Variants in ANKFN1 observed in about 807,000 individuals in gnomAD.
The protein encoded by ANKFN1 is ankyrin repeat and fibronectin type-III domain-containing protein 1.
ANKFN1 carries 74 observed loss-of-function variants against 108.7 expected under a neutral mutation model. The observed-to-expected ratio is 0.68, with a 90% CI of 0.56 to 0.83. ANKFN1 has a LOEUF of 0.83. ANKFN1 is among the 40% of genes least tolerant of loss of function. ANKFN1 has a pLI of 0.00. For synonymous variants in ANKFN1, 547 were observed against 516.2 expected (o/e 1.06, Z -0.81); for missense variants, 1,505 against 1,382.3 (o/e 1.09, Z -1.41).
At chr17:56,218,873 C>T (rs1030920646) in intron 2 of ANKFN1, among the ~76,000 whole-genome samples, 7 of 152,216 alleles carry the variant, frequency 4.6e-5, no homozygotes, top group African/African-American at 1.7e-4. Context: ...GAACATTTAA[C>T]TTATTTTTTC....
chr17:56,325,260 C>T (rs1038495478), intron 3 of ANKFN1, among the ~76,000 whole-genome samples: 26 of 98,756 alleles, frequency 2.6e-4, no homozygotes, highest in Non-Finnish European at 1.5e-4. Flanking sequence ...TTGCTAGTGT[C>T]GCTGTGTGTG....
At chr17:56,351,679 T>TC (rs1029969819) in intron 5 of ANKFN1, among the ~76,000 whole-genome samples, 3 of 152,176 alleles carry the variant, frequency 2.0e-5, no homozygotes, top group African/African-American at 7.2e-5. Context: ...TGTTGCTCAG[T>TC]CCTCTGGACC....
At chr17:56,120,291 G>A (rs1485953607) in intron 4 of ANKFN1, among the ~76,000 whole-genome samples, 1 of 152,024 alleles carries the variant, frequency 6.6e-6, no homozygotes, top group African/African-American at 2.4e-5. Context: ...ACTCCATTCT[G>A]CCCTTCTACA....
chr17:56,325,534 A>G (rs550307935), intron 3 of ANKFN1, among the ~76,000 whole-genome samples: 20 of 152,338 alleles, frequency 1.3e-4, no homozygotes, highest in African/African-American at 4.8e-4. Flanking sequence ...CTTCTTCCTG[A>G]GACTGAGCCT....
In ANKFN1 at chr17:56,510,681, G is replaced by C. The variant is rs754470946; in HGVS notation, c.2853G>C (p.Pro951=). ...QVHDVKTPLG[P]GQDPQGEGPN... Reference sequence around the variant, plus strand: ...ACGACGTGAAAACCCCTCTGGGGCCGGGCCAGGATCCCCAGGGCGAGGGCC... The same window carrying C: ...ACGACGTGAAAACCCCTCTGGGGCCCGGCCAGGATCCCCAGGGCGAGGGCC... Residue 951 remains proline (P), a synonymous_variant, in exon 21 of 21, where the codon CCG becomes CCC. Coordinates refer to ENST00000682825, the MANE Select transcript of ANKFN1 (RefSeq NM_001370326.1). 1.2e-5 allele frequency: 19 copies of C among 1,536,004 alleles called. No homozygotes were observed. The highest frequency in any genetic ancestry group is 1.7e-5 in the Non-Finnish European group (19 of 1,146,908).
At chr17:56,242,481 T>C (rs1262203654) in intron 3 of ANKFN1, among the ~76,000 whole-genome samples, 2 of 152,130 alleles carry the variant, frequency 1.3e-5, no homozygotes, top group African/African-American at 4.8e-5. Context: ...CTTTTAAAAA[T>C]AGTTATTTTG....
rs542801224 is a variant in ANKFN1 at position 56,385,371 on chromosome 17, A to C, written c.910+10657A>C. 9.5e-4 allele frequency among the ~76,000 whole-genome samples: 145 copies of C among 152,366 alleles called. 1 individual carries two copies. Among genetic ancestry groups the C allele is most frequent in the Middle Eastern group, 3.4e-3 (1 of 294 alleles). On this transcript the variant is annotated intron_variant, in intron 8 of 20. Transcript: ENST00000682825. ...AGACCTAAAACCATAAAAACCCTAG[A>C]AGAAAGCCTAGGCATTACCATTCAG...
chr17:56,510,454 T>TC lies in ANKFN1; in HGVS notation c.2645-18dup. On this transcript the variant is annotated intron_variant, in intron 20 of 20. Coordinates refer to ENST00000682825, the MANE Select transcript of ANKFN1 (RefSeq NM_001370326.1). The stretch of plus-strand genomic sequence containing the variant: ...AGCTAAGACTATATTTTTCCTAACC[T>TC]CAGTTTCTGGCTTCGCAGATTCACA... The TC allele has an allele frequency of 6.5e-7, 1 of 1,531,998 alleles. No individual in the cohort carries two copies. Among genetic ancestry groups the TC allele is most frequent in the Non-Finnish European group, 8.7e-7 (1 of 1,145,232 alleles). The allele number at this position is 1,531,998 out of a possible 1,614,324, so 94.9% of individuals were successfully genotyped here.
chr17:56,325,952 C>T (rs971533434), intron 3 of ANKFN1, among the ~76,000 whole-genome samples: 10 of 152,164 alleles, frequency 6.6e-5, no homozygotes, highest in South Asian at 2.1e-4. Flanking sequence ...CTCCGCAAGC[C>T]GTTTCAAATG....
chr17:56,188,581 GTATATATATATA>G (rs61556880), intron 1 of ANKFN1, among the ~76,000 whole-genome samples: 33 of 49,648 alleles, frequency 6.6e-4, no homozygotes, highest in African/African-American at 2.1e-3. Flanking sequence ...GTGTGTGTGT[GTATATATATATA>G]TATATATATA....
intron 3 of ANKFN1, among the ~76,000 whole-genome samples, chr17:56,249,502 C>A (rs2043189434): frequency 6.6e-6 from 1 of 151,608 alleles, no homozygotes; most frequent in Non-Finnish European, 1.5e-5. Context: ...TAATAAAAAT[C>A]CCAACAGGAT....
intron 11 of ANKFN1, 21 bp from the exon 12 acceptor site, chr17:56,456,840 A>AT (rs752309135): frequency 8.1e-6 from 13 of 1,604,914 alleles, no homozygotes; most frequent in South Asian, 2.2e-5. Flanking sequence ...TTTATACTGT[A>AT]TTTTTTAAAA....
rs917796679 is a variant in ANKFN1 at position 56,512,897 on chromosome 17, C to T, written c.*1628C>T. On this transcript the variant is annotated 3_prime_UTR_variant, in exon 21 of 21. Transcript: ENST00000682825. Reference sequence around the variant, plus strand: ...CTTTATTTTTTTAAGAGATTTTATACTCAATGAAACCCTCAAAGAATCTTG... The same window carrying T: ...CTTTATTTTTTTAAGAGATTTTATATTCAATGAAACCCTCAAAGAATCTTG... Among the ~76,000 whole-genome samples, 3 of 152,196 alleles carry T rather than the reference C, an allele frequency of 2.0e-5. No individual in the cohort carries two copies. Among genetic ancestry groups the T allele is most frequent in the African/African-American group, 7.2e-5 (3 of 41,446 alleles).
chr17:56,440,413 G>GTAAAT lies in ANKFN1; in HGVS notation c.997_998insTAAAT (p.Gly333ValfsTer19). 1 of 1,610,702 alleles carries GTAAAT rather than the reference G, an allele frequency of 6.2e-7. No individual in the cohort carries two copies. The highest frequency in any genetic ancestry group is 8.5e-7 in the Non-Finnish European group (1 of 1,177,558). On this transcript the variant is annotated frameshift_variant, in exon 9 of 21. Transcript: ENST00000682825. LOFTEE classifies it high-confidence loss of function. ...GCAGACTCTGAGATGCACAATCACAGGACTTACAATGGTAAATGTCCCCAG... is the reference window on the plus strand; with the variant it reads ...GCAGACTCTGAGATGCACAATCACAGTAAATGACTTACAATGGTAAATGTCCCCAG...
At chr17:56,459,710 T>G (rs2145250359) in intron 14 of ANKFN1, among the ~76,000 whole-genome samples, 1 of 152,258 alleles carries the variant, frequency 6.6e-6, no homozygotes, top group East Asian at 1.9e-4. Context: ...TATTGGAGGT[T>G]TCTTAGAACT....
At chr17:56,149,410 G>A (rs1235719630), upstream of ANKFN1, among the ~76,000 whole-genome samples, 1 of 152,166 alleles carries the variant, frequency 6.6e-6, no homozygotes, top group Non-Finnish European at 1.5e-5. Flanking sequence ...CATAACTAAA[G>A]GAAAAGGAAG....
intron 3 of ANKFN1, among the ~76,000 whole-genome samples, chr17:56,259,102 A>G (rs557284676): frequency 5.3e-5 from 8 of 152,214 alleles, no homozygotes; most frequent in African/African-American, 1.9e-4. Flanking sequence ...TCGTATAGGT[A>G]CTATTATCTC....
intron 19 of ANKFN1, among the ~76,000 whole-genome samples, chr17:56,492,774 T>G: frequency 6.6e-6 from 1 of 152,146 alleles, no homozygotes; most frequent in Non-Finnish European, 1.5e-5. Context: ...CCAGATCCAA[T>G]TAGAACTAAA....
chr17:56,478,940 T>C (rs1228653666), intron 16 of ANKFN1, among the ~76,000 whole-genome samples: 12 of 152,148 alleles, frequency 7.9e-5, no homozygotes, highest in African/African-American at 2.9e-4. Flanking sequence ...TTGATGACAA[T>C]GGAGGAAATG....
Sources: allele counts gnomAD v4.1 joint callset (sites outside exome capture counted in the v4.1 genomes callset), GRCh38; gene constraint gnomAD v4.1.1; transcripts MANE v1.5; gene names NCBI Gene and HGNC (gene_info 2026-07-23, HGNC 2026-07-21).